The following STK33 variants were observed in gnomAD, a reference collection of about 807,000 sequenced individuals.
The protein encoded by STK33 is serine/threonine kinase 33.
In STK33, 52 loss-of-function variants were observed where a neutral mutation model predicts 58.0. The ratio of observed to expected loss-of-function variants is 0.90; its 90% CI spans 0.72 to 1.13. The LOEUF (loss-of-function observed/expected upper bound fraction) is 1.13, where lower values mean the gene tolerates loss of function less well. Ranked by LOEUF, STK33 falls within the 50% of genes most tolerant of loss-of-function variation. The pLI, the probability that STK33 is intolerant of heterozygous loss-of-function variation, is 0.00. For synonymous variants in STK33, 215 were observed against 200.1 expected, an observed-to-expected ratio of 1.07 and a Z score of -0.63; for missense variants, 630 against 604.2, an observed-to-expected ratio of 1.04 and a Z score of -0.45.
chr11:8,460,880 T>C (rs1254811186), intron 8 of STK33, among the ~76,000 whole-genome samples: 4 of 152,220 alleles, frequency 2.6e-5, no homozygotes, highest in Admixed American at 1.3e-4. Flanking sequence ...TGGTCTTTAA[T>C]TGTTATCAAG....
intron 11 of STK33, among the ~76,000 whole-genome samples, chr11:8,448,018 G>A (rs890418752): frequency 1.3e-5 from 2 of 152,148 alleles, no homozygotes; most frequent in Non-Finnish European, 2.9e-5. Flanking sequence ...AATCGTTAGT[G>A]AACTCCCATT....
the STK33 span, among the ~76,000 whole-genome samples, chr11:8,376,747 G>A: frequency 1.3e-5 from 2 of 152,096 alleles, 1 homozygote; most frequent in South Asian, 4.2e-4. Context: ...TCACCATGTT[G>A]GCCAGGATGG....
chr11:8,366,009 T>C, the STK33 span, among the ~76,000 whole-genome samples: 2 of 152,230 alleles, frequency 1.3e-5, no homozygotes, highest in Admixed American at 6.5e-5. Flanking sequence ...TACTTGCCTG[T>C]TCTGGGGTAA....
intron 14 of STK33, chr11:8,434,260 A>G: frequency 9.2e-6 from 2 of 217,578 alleles, no homozygotes; most frequent in Non-Finnish European, 1.8e-5. Flanking sequence ...AAAAAAAAAA[A>G]AAAAAAGAAT....
chr11:8,496,540 A>G (rs1951069025), intron 1 of STK33, among the ~76,000 whole-genome samples: 1 of 152,128 alleles, frequency 6.6e-6, no homozygotes, highest in African/African-American at 2.4e-5. Flanking sequence ...ACAATCATGT[A>G]AAAATTATTT....
chr11:8,549,409 T>C (rs1429163664), intron 1 of STK33, among the ~76,000 whole-genome samples: 1 of 152,176 alleles, frequency 6.6e-6, no homozygotes, highest in Non-Finnish European at 1.5e-5. Flanking sequence ...TCTATGTTCA[T>C]TGGGGATATT....
At chr11:8,376,836 G>A in the STK33 span, among the ~76,000 whole-genome samples, 8 of 152,056 alleles carry the variant, frequency 5.3e-5, no homozygotes, top group Admixed American at 1.3e-4. Flanking sequence ...CACCATGCCC[G>A]GCCGATTCTG....
At chr11:8,593,035 G>A (rs2032859705) in intron 1 of STK33, among the ~76,000 whole-genome samples, 1 of 152,168 alleles carries the variant, frequency 6.6e-6, no homozygotes, top group Admixed American at 6.5e-5. Flanking sequence ...AAAATGAATA[G>A]AACTTGATGA....
chr11:8,511,738 T>G (rs931473250), intron 1 of STK33, among the ~76,000 whole-genome samples: 1 of 152,190 alleles, frequency 6.6e-6, no homozygotes, highest in Admixed American at 6.5e-5. Context: ...CAAATGACGA[T>G]ATGATTTTTG....
the STK33 span, among the ~76,000 whole-genome samples, chr11:8,337,663 C>T: frequency 6.6e-6 from 1 of 151,842 alleles, no homozygotes; most frequent in African/African-American, 2.4e-5. Context: ...GGGCCCTGCC[C>T]TCAGCCTGCT....
chr11:8,544,108 C>A (rs898566672), intron 1 of STK33, among the ~76,000 whole-genome samples: 3 of 151,662 alleles, frequency 2.0e-5, no homozygotes, highest in African/African-American at 7.3e-5. Context: ...TTTGCTGCAC[C>A]CATCAACCCG....
chr11:8,343,279 C>A, the STK33 span, among the ~76,000 whole-genome samples: 1 of 152,248 alleles, frequency 6.6e-6, no homozygotes, highest in African/African-American at 2.4e-5. Flanking sequence ...ACAACACATA[C>A]ACCTTGAAAC....
chr11:8,349,954 C>T, the STK33 span, among the ~76,000 whole-genome samples: 1 of 152,246 alleles, frequency 6.6e-6, no homozygotes, highest in East Asian at 1.9e-4. Context: ...CCTGAGACAA[C>T]CAAGGCCCCA....
intron 11 of STK33, among the ~76,000 whole-genome samples, chr11:8,445,775 A>G (rs1233555221): frequency 1.3e-5 from 2 of 152,080 alleles, no homozygotes; most frequent in Non-Finnish European, 2.9e-5. Context: ...TGTTGGATTC[A>G]GTTTGCCAGT....
At chr11:8,486,210 T>G (rs1479450964) in intron 1 of STK33, among the ~76,000 whole-genome samples, 1 of 152,184 alleles carries the variant, frequency 6.6e-6, no homozygotes, top group Non-Finnish European at 1.5e-5. Flanking sequence ...CAAAAACCAC[T>G]TCAGTGGCTC....
the STK33 span, among the ~76,000 whole-genome samples, chr11:8,335,751 A>C: frequency 1.3e-5 from 2 of 152,348 alleles, no homozygotes; most frequent in Admixed American, 6.5e-5. Context: ...ATAAAACCCA[A>C]AACATTATCA....
intron 7 of STK33, among the ~76,000 whole-genome samples, chr11:8,462,872 G>A (rs1362780123): frequency 2.0e-5 from 3 of 152,058 alleles, no homozygotes; most frequent in Non-Finnish European, 2.9e-5. Context: ...GTCATTATTT[G>A]AGGATAAGCA....
chr11:8,527,291 G>T (rs536192851), intron 1 of STK33, among the ~76,000 whole-genome samples: 1 of 152,250 alleles, frequency 6.6e-6, no homozygotes, highest in South Asian at 2.1e-4. Context: ...CTAAAAGATA[G>T]AGGGAAAGAA....
chr11:8,335,219 A>T, the STK33 span, among the ~76,000 whole-genome samples: 1 of 152,148 alleles, frequency 6.6e-6, no homozygotes. Context: ...GCCCCTCCTG[A>T]TCGCTAGCGG....
Sources: gnomAD v4.1 joint callset for allele counts (sites outside exome capture counted in the v4.1 genomes callset) on GRCh38, gnomAD v4.1.1 for gene constraint, MANE v1.5 for transcripts, NCBI Gene and HGNC (gene_info 2026-07-23, HGNC 2026-07-21) for gene names.